Variants in NBAS observed in about 807,000 individuals in gnomAD.
NBAS encodes the protein NAG/BC035112 fusion.
A neutral mutation model predicts 302.5 loss-of-function variants in NBAS; 219 were observed. That is an observed-to-expected ratio of 0.72 (90% confidence interval 0.65 to 0.81). The LOEUF (loss-of-function observed/expected upper bound fraction) is 0.81, where lower values mean the gene tolerates loss of function less well. Among genes scored for constraint, NBAS ranks in the 30% least tolerant of loss-of-function variants. The probability of loss-of-function intolerance (pLI) is 0.00; values close to 1 mark genes in which losing one functional copy is unlikely to be tolerated. For missense variants in NBAS, 2,932 were observed against 2,841.6 expected, an observed-to-expected ratio of 1.03 and a Z score of -0.72; for synonymous variants, 1,118 against 1,021.6, an observed-to-expected ratio of 1.09 and a Z score of -1.80.
intron 21 of NBAS, among the ~76,000 whole-genome samples, chr2:15,430,628 C>T (rs1677715531): frequency 6.6e-6 from 1 of 152,148 alleles, no homozygotes; most frequent in Non-Finnish European, 1.5e-5. Flanking sequence ...AATAAATTGA[C>T]AAAGCCAGGA....
rs761264279 is a variant in NBAS at position 15,556,812 on chromosome 2, T to C, written c.180A>G (p.Leu60=). The change falls in exon 3 of 52, where the codon TTA becomes TTG. Residue 60 remains leucine (L), a synonymous_variant. Transcript: ENST00000281513. ...ACCAGATGTATTGGCGTAAAAATAA[T>C]AAACGATCTGTAATCAAAAGAAATG... The part of the protein sequence containing the change: ...FIITKAIRDR[L]LFLRQYIWYS... 2.5e-6 allele frequency: 4 copies of C among 1,610,780 alleles called. No homozygotes were observed. Among genetic ancestry groups the C allele is most frequent in the Middle Eastern group, 1.6e-4 (1 of 6,070 alleles).
the NBAS span, among the ~76,000 whole-genome samples, chr2:14,870,826 G>A: frequency 6.6e-6 from 1 of 151,954 alleles, no homozygotes; most frequent in Non-Finnish European, 1.5e-5. Flanking sequence ...ACAGATAACA[G>A]AAGTTTGTAA....
At chr2:15,508,876 G>A (rs1210828886) in intron 10 of NBAS, among the ~76,000 whole-genome samples, 1 of 152,094 alleles carries the variant, frequency 6.6e-6, no homozygotes. Context: ...GATGGGGGGT[G>A]CCTGTAATCC....
At chr2:15,059,118 A>G in the NBAS span, among the ~76,000 whole-genome samples, 1 of 152,200 alleles carries the variant, frequency 6.6e-6, no homozygotes, top group African/African-American at 2.4e-5. Context: ...ATCTGTCCCC[A>G]GACTGAGATC....
intron 51 of NBAS, among the ~76,000 whole-genome samples, chr2:15,170,118 C>T (rs1558405240): frequency 6.6e-6 from 1 of 152,202 alleles, no homozygotes; most frequent in Non-Finnish European, 1.5e-5. Flanking sequence ...CTCACTAACC[C>T]TCCCCTCTGG....
At chr2:14,905,071 A>G in the NBAS span, among the ~76,000 whole-genome samples, 1 of 152,180 alleles carries the variant, frequency 6.6e-6, no homozygotes, top group African/African-American at 2.4e-5. Context: ...AACTCTGAAC[A>G]GTAGGTGTTT....
At position 15,320,504 on chromosome 2, in the gene NBAS, A is replaced by G. The variant is rs546685000; in HGVS notation, c.4582+7246T>C. On this transcript the variant is annotated intron_variant, in intron 38 of 51. Transcript: ENST00000281513. ...GATCGTATATTTAGAAAACCCAATC[A>G]TCTCAGCCCAAAATCTCCTTAAGCT... 1.5e-3 allele frequency among the ~76,000 whole-genome samples: 230 copies of G among 152,252 alleles called. 3 individuals carry two copies. In the South Asian group the frequency reaches 0.042, roughly 28 times the overall value.
At chr2:15,136,065 G>A in the NBAS span, among the ~76,000 whole-genome samples, 10 of 152,298 alleles carry the variant, frequency 6.6e-5, no homozygotes, top group South Asian at 4.1e-4. Context: ...AAGAGGCAAC[G>A]CCTCTATCCT....
chr2:14,888,347 T>C, the NBAS span, among the ~76,000 whole-genome samples: 1 of 152,066 alleles, frequency 6.6e-6, no homozygotes, highest in Admixed American at 6.5e-5. Flanking sequence ...GCCAGGCTGC[T>C]CTTGAACTCC....
intron 6 of NBAS, among the ~76,000 whole-genome samples, chr2:15,547,242 A>T (rs1664158751): frequency 6.6e-6 from 1 of 152,204 alleles, no homozygotes; most frequent in African/African-American, 2.4e-5. Context: ...TAGACTCTGC[A>T]ATATGTAGTT....
At chr2:15,190,486 A>C in intron 48 of NBAS, 83 bp from the exon 49 acceptor site, 2 of 1,503,808 alleles carry the variant, frequency 1.3e-6, no homozygotes, top group Non-Finnish European at 1.8e-6. Flanking sequence ...ATTTTAATTA[A>C]ACTTTTTTTT....
chr2:15,520,974 A>C (rs1344701190), intron 9 of NBAS, among the ~76,000 whole-genome samples: 1 of 152,268 alleles, frequency 6.6e-6, no homozygotes, highest in East Asian at 1.9e-4. Flanking sequence ...AGGATTCAGC[A>C]TATATAAGTA....
chr2:14,964,619 T>C, the NBAS span, among the ~76,000 whole-genome samples: 2 of 152,254 alleles, frequency 1.3e-5, no homozygotes, highest in Non-Finnish European at 2.9e-5. Context: ...ACTTTTCTGT[T>C]AATAATGGAT....
At chr2:14,893,145 T>C in the NBAS span, among the ~76,000 whole-genome samples, 1 of 152,196 alleles carries the variant, frequency 6.6e-6, no homozygotes, top group Non-Finnish European at 1.5e-5. Flanking sequence ...CATTTACATT[T>C]TGTAAGAAAA....
the NBAS span, among the ~76,000 whole-genome samples, chr2:15,122,232 C>T: frequency 6.6e-6 from 1 of 151,676 alleles, no homozygotes; most frequent in Admixed American, 6.6e-5. Flanking sequence ...ATTCTTTAGG[C>T]TTCACAGAAA....
intron 6 of NBAS, among the ~76,000 whole-genome samples, chr2:15,548,003 T>C (rs1664196224): frequency 6.6e-6 from 1 of 152,194 alleles, no homozygotes; most frequent in Non-Finnish European, 1.5e-5. Flanking sequence ...GAATAAAAAA[T>C]ATTAATGCCA....
chr2:14,879,737 A>G, the NBAS span, among the ~76,000 whole-genome samples: 3 of 152,214 alleles, frequency 2.0e-5, no homozygotes, highest in African/African-American at 7.2e-5. Context: ...TTTAGTATTT[A>G]TGTAAGCAGT....
rs78001096 is a variant in NBAS, at chr2:15,359,756, C to T, written c.3818-3340G>A. On this transcript the variant is annotated intron_variant, in intron 32 of 51. Transcript: ENST00000281513. Reference sequence around the variant, plus strand: ...TATCTATTAAAATGTAAGCTTTTGACGGACAGGGGTTGGTTCATAGTTGGA... The same window carrying T: ...TATCTATTAAAATGTAAGCTTTTGATGGACAGGGGTTGGTTCATAGTTGGA... Among the ~76,000 whole-genome samples the T allele has an allele frequency of 8.0e-3, 1,209 of 152,062 alleles. 10 individuals carry two copies. Among genetic ancestry groups the T allele is most frequent in the Non-Finnish European group, 0.014 (926 of 68,004 alleles).
the NBAS span, among the ~76,000 whole-genome samples, chr2:15,005,271 C>G: frequency 2.0e-5 from 3 of 152,188 alleles, no homozygotes; most frequent in Non-Finnish European, 2.9e-5. Context: ...CACCTGTTGA[C>G]TAGCGACTCC....
Sources: gnomAD v4.1 joint callset for allele counts (sites outside exome capture counted in the v4.1 genomes callset) on GRCh38, gnomAD v4.1.1 for gene constraint, MANE v1.5 for transcripts, NCBI Gene and HGNC (gene_info 2026-07-23, HGNC 2026-07-21) for gene names.